PTPN22: variants seen among roughly 807,000 people sequenced by gnomAD.
The protein encoded by PTPN22 is protein tyrosine phosphatase non-receptor type 22.
PTPN22 carries 85 observed loss-of-function variants against 103.3 expected under a neutral mutation model. That is an observed-to-expected ratio of 0.82 (90% CI 0.69 to 0.99). The LOEUF is 0.99. PTPN22 is among the 50% of genes least tolerant of loss of function. PTPN22 has a pLI of 0.00. For missense variants in PTPN22, 865 were observed against 936.9 expected, an observed-to-expected ratio of 0.92 and a Z score of 1.00; for synonymous variants, 323 against 310.2, an observed-to-expected ratio of 1.04 and a Z score of -0.43.
chr1:113,861,407 A>G (rs1202280157), intron 1 of PTPN22, among the ~76,000 whole-genome samples: 2 of 151,846 alleles, frequency 1.3e-5, no homozygotes, highest in Admixed American at 1.3e-4. Context: ...TGCCTGGCCA[A>G]TTTTTTGTAT....
At chr1:113,846,992 ATTTTT>A (rs778146828) in intron 11 of PTPN22, among the ~76,000 whole-genome samples, 1 of 76,116 alleles carries the variant, frequency 1.3e-5, no homozygotes, top group East Asian at 3.6e-4. Context: ...CCAATGCTAG[ATTTTT>A]TTTTTTTTTT....
At chr1:113,837,798 A>G (rs200125610) in exon 13 of PTPN22, 1 of 1,613,924 alleles carries the variant, frequency 6.2e-7, no homozygotes, top group Non-Finnish European at 8.5e-7. Flanking sequence ...AAAAATAAGG[A>G]TTTTCCACTA....
At chr1:113,848,406 C>A in intron 11 of PTPN22, 134 bp downstream of exon 11, 1 of 1,211,322 alleles carries the variant, frequency 8.3e-7, no homozygotes, top group South Asian at 1.3e-5. Context: ...AGGAAATTTT[C>A]AGTGCAGCCC....
chr1:113,841,441 T>C (rs1663537505), intron 11 of PTPN22, among the ~76,000 whole-genome samples: 3 of 152,080 alleles, frequency 2.0e-5, no homozygotes, highest in Admixed American at 2.0e-4. Context: ...TTGGACTTCA[T>C]TGAGATTAAG....
chr1:113,858,703 A>C lies in PTPN22; in HGVS notation c.274-130T>G. The C allele has an allele frequency of 4.2e-6, 3 of 713,774 alleles. No individual in the cohort carries two copies. The South Asian group carries it at 5.9e-5, about 14-fold the overall frequency. The allele number at this position is 713,774 out of a possible 1,614,324, so 44.2% of individuals were successfully genotyped here. A position where few individuals can be genotyped will look rare whatever the true frequency, so the allele number is the denominator to read the frequency against. On this transcript the variant is annotated intron_variant, in intron 3 of 20. Transcript: ENST00000359785. ...TACCCAGGCTGGAGTGCAGTGGCAT[A>C]ATCACAGCTCACTGCAGCCTTGACC...
Position 113,825,192 on chromosome 1 carries a change from TGTTA to T in PTPN22, c.2251-24_2251-21del, listed in dbSNP as rs1266293238. On this transcript the variant is annotated intron_variant, in intron 18 of 20. Coordinates refer to ENST00000359785, the Ensembl canonical transcript of PTPN22. The stretch of plus-strand genomic sequence containing the variant: ...CAAACTCTACAAAAGAAAGGAAAAA[TGTTA>T]GTTTTTTTTCCTGTGAAACTTGAAA... 2.1e-6 allele frequency: 3 copies of T among 1,435,682 alleles called. No individual in the cohort carries two copies. The South Asian group carries it at 4.0e-5, about 19-fold the overall frequency. The allele number at this position is 1,435,682 out of a possible 1,614,324, so 88.9% of individuals were successfully genotyped here.
chr1:113,870,299 A>G (rs1044277404), intron 1 of PTPN22, among the ~76,000 whole-genome samples: 1 of 151,044 alleles, frequency 6.6e-6, no homozygotes. Flanking sequence ...TAATTTGGTG[A>G]AAAAAAATCA....
At chr1:113,832,963 T>C in intron 16 of PTPN22, 148 bp downstream of exon 16, 2 of 752,804 alleles carry the variant, frequency 2.7e-6, no homozygotes, top group Non-Finnish European at 4.2e-6. Context: ...ACAAAATTTC[T>C]AGTCTGGGAA....
Position 113,834,385 on chromosome 1 carries a change from A to G in PTPN22, c.1949T>C (p.Ile650Thr), listed in dbSNP as rs199887236. The G allele has an allele frequency of 3.7e-6, 6 of 1,613,632 alleles. No individual in the cohort carries two copies. In the East Asian group the frequency reaches 6.7e-5, roughly 18 times the overall value. ...TCCACCCCATTCCAGTGATGTTCCAATTTTTACCTTCACAGCTGAGGATAA... is the reference window on the plus strand; with the variant it reads ...TCCACCCCATTCCAGTGATGTTCCAGTTTTTACCTTCACAGCTGAGGATAA... Residue 650 changes from isoleucine to threonine, a missense_variant, in exon 15 of 21, where the codon ATT (isoleucine) becomes ACT (threonine). This residue lies in a region of PTPN22 where 401 missense variants were observed against 388.6 expected (regional missense o/e 1.03). Transcript: ENST00000359785.
chr1:113,851,131 GAT>G lies in PTPN22; in HGVS notation c.828+894_828+895del, dbSNP rs556937986. 1.4e-4 allele frequency among the ~76,000 whole-genome samples: 21 copies of G among 150,720 alleles called. No individual in the cohort carries two copies. The South Asian group carries it at 2.1e-3, about 15-fold the overall frequency. On this transcript the variant is annotated intron_variant, in intron 10 of 20. Coordinates refer to ENST00000359785, the Ensembl canonical transcript of PTPN22. ...ATTCTGGGGTAGGTTAAAAGATTGT[GAT>G]ACATAAATAGAGTGTGATTGTAATT...
At chr1:113,856,161 T>C (rs183340219) in intron 7 of PTPN22, among the ~76,000 whole-genome samples, 69 of 152,294 alleles carry the variant, frequency 4.5e-4, no homozygotes, top group African/African-American at 1.6e-3. Flanking sequence ...ACCACAGGCA[T>C]GCACCACCAC....
At chr1:113,842,441 C>T (rs548810397) in intron 11 of PTPN22, among the ~76,000 whole-genome samples, 1 of 151,768 alleles carries the variant, frequency 6.6e-6, no homozygotes, top group Non-Finnish European at 1.5e-5. Flanking sequence ...TTTGGGAGGC[C>T]GAGGCCGGCG....
intron 1 of PTPN22, among the ~76,000 whole-genome samples, chr1:113,866,754 T>C (rs1666155747): frequency 6.6e-6 from 1 of 152,092 alleles, no homozygotes; most frequent in South Asian, 2.1e-4. Context: ...TTGTTGGTTT[T>C]CATGTGTGTG....
At chr1:113,868,104 A>G (rs1360515000) in intron 1 of PTPN22, among the ~76,000 whole-genome samples, 1 of 151,880 alleles carries the variant, frequency 6.6e-6, no homozygotes, top group Non-Finnish European at 1.5e-5. Context: ...TTTTTTTCAA[A>G]TATTTTTGAT....
At position 113,836,909 on chromosome 1, in the gene PTPN22, TAGTG is replaced by T. The variant is rs1663069452; in HGVS notation, c.1810+677_1810+680del. ...CCACTGCACTCCAGCATGGGCAACATAGTGAGATTCTGTTTCAAAAAATATTTTT... is the reference window on the plus strand; with the variant it reads ...CCACTGCACTCCAGCATGGGCAACATAGATTCTGTTTCAAAAAATATTTTT... On this transcript the variant is annotated intron_variant, in intron 13 of 20. Coordinates refer to ENST00000359785, the Ensembl canonical transcript of PTPN22. 2.6e-5 allele frequency among the ~76,000 whole-genome samples: 4 copies of T among 151,230 alleles called. No homozygotes were observed. In the South Asian group the frequency reaches 6.3e-4, roughly 24 times the overall value.
intron 1 of PTPN22, among the ~76,000 whole-genome samples, chr1:113,860,387 T>G (rs370570320): frequency 6.6e-6 from 1 of 152,156 alleles, no homozygotes; most frequent in African/African-American, 2.4e-5. Flanking sequence ...TACGTAAGAT[T>G]TGGTACTATC....
At chr1:113,858,643 CTTTTTT>C in intron 3 of PTPN22, 70 bp from the exon 4 acceptor site, 2 of 700,320 alleles carry the variant, frequency 2.9e-6, no homozygotes, top group Non-Finnish European at 4.4e-6. Context: ...CCTCCGCTTC[CTTTTTT>C]TTTTTTTTTT....
At chr1:113,821,425 G>A (rs900275810) in intron 19 of PTPN22, among the ~76,000 whole-genome samples, 7 of 152,030 alleles carry the variant, frequency 4.6e-5, no homozygotes, top group African/African-American at 7.2e-5. Context: ...AGGTTCAAGC[G>A]ATTCTCCTGC....
intron 18 of PTPN22, among the ~76,000 whole-genome samples, chr1:113,826,382 GA>G (rs950464654): frequency 4.2e-5 from 6 of 143,102 alleles, no homozygotes; most frequent in African/African-American, 1.7e-4. Context: ...CAGAGGAAGG[GA>G]AGTGAAGGGA....
Sources: gnomAD v4.1 joint callset for allele counts (sites outside exome capture counted in the v4.1 genomes callset) on GRCh38, gnomAD v4.1.1 for gene constraint, gnomAD v4.1.1 regional missense constraint, MANE v1.5 for transcripts, NCBI Gene and HGNC (gene_info 2026-07-23, HGNC 2026-07-21) for gene names.